Variants in PREX1 observed in about 807,000 individuals in gnomAD.
PREX1 encodes phosphatidylinositol 3,4,5-trisphosphate-dependent Rac exchanger 1 protein.
In PREX1, 41 loss-of-function variants were observed where a neutral mutation model predicts 198.3. The observed-to-expected ratio is 0.21, with a 90% CI of 0.16 to 0.27. The LOEUF (loss-of-function observed/expected upper bound fraction) is 0.27. Ranked by LOEUF, PREX1 falls within the 10% of genes least tolerant of loss-of-function variation. The pLI, the probability that PREX1 is intolerant of heterozygous loss-of-function variation, is 1.00. For missense variants in PREX1, 1,620 were observed against 2,200.7 expected, an observed-to-expected ratio of 0.74 and a Z score of 5.28; for synonymous variants, 843 against 887.2, an observed-to-expected ratio of 0.95 and a Z score of 0.89.
the PREX1 span, among the ~76,000 whole-genome samples, chr20:48,869,899 G>A: frequency 6.6e-6 from 1 of 152,140 alleles, no homozygotes; most frequent in South Asian, 2.1e-4. Flanking sequence ...TGCACGCTGG[G>A]CTTAAAACCT....
Position 48,658,014 on chromosome 20 carries a change from G to C in PREX1, c.1974+122C>G, listed in dbSNP as rs577133639. ...CTCAGTTTCTCCACGTGAGCAATGAGAGAAGAGGAGTCAGCGATCATTCCA... is the reference window on the plus strand; with the variant it reads ...CTCAGTTTCTCCACGTGAGCAATGACAGAAGAGGAGTCAGCGATCATTCCA... On this transcript the variant is annotated intron_variant, in intron 17 of 39. Transcript: ENST00000371941. The C allele has an allele frequency of 3.3e-5, 32 of 966,590 alleles. No individual in the cohort carries two copies. The South Asian group carries it at 3.9e-4, about 12-fold the overall frequency. 59.9% of individuals were successfully genotyped at this position (966,590 alleles called of 1,614,324 possible).
chr20:48,801,029 TTTGGAGAGTTCCTG>T (rs2090384355), intron 1 of PREX1, among the ~76,000 whole-genome samples: 1 of 152,162 alleles, frequency 6.6e-6, no homozygotes, highest in African/African-American at 2.4e-5. Context: ...CTGGGTAACC[TTTGGAGAGTTCCTG>T]CCTATCACCA....
rs150957298 is a variant in PREX1 at position 48,692,533 on chromosome 20, A to C, written c.1036+139T>G. The C allele has an allele frequency of 2.0e-5, 13 of 648,714 alleles. No individual in the cohort carries two copies. In the East Asian group the frequency reaches 3.3e-4, roughly 17 times the overall value. The allele number at this position is 648,714 out of a possible 1,614,324, so 40.2% of individuals were successfully genotyped here. A position where few individuals can be genotyped will look rare whatever the true frequency, so the allele number is the denominator to read the frequency against. On this transcript the variant is annotated intron_variant, in intron 8 of 39. Coordinates refer to ENST00000371941, the MANE Select transcript of PREX1 (RefSeq NM_020820.4). ...AACCACCCAGATGTTCGCTTCATGCATCTATGCTCTGGGCACTTTTCTGTA... is the reference window on the plus strand; with the variant it reads ...AACCACCCAGATGTTCGCTTCATGCCTCTATGCTCTGGGCACTTTTCTGTA...
chr20:48,650,228 G>C, intron 23 of PREX1, 22 bp from the exon 24 acceptor site: 6 of 1,588,380 alleles, frequency 3.8e-6, no homozygotes, highest in Non-Finnish European at 4.3e-6. Context: ...GAGGCCGTAA[G>C]GTCGTGAATC....
At chr20:48,727,354 A>C (rs2090014867) in intron 4 of PREX1, among the ~76,000 whole-genome samples, 1 of 152,092 alleles carries the variant, frequency 6.6e-6, no homozygotes, top group Non-Finnish European at 1.5e-5. Flanking sequence ...TGTCCACATG[A>C]ATCAACCCAG....
intron 5 of PREX1, 45 bp downstream of exon 5, chr20:48,726,245 G>A: frequency 6.6e-7 from 1 of 1,516,538 alleles, no homozygotes; most frequent in Non-Finnish European, 9.1e-7. Context: ...ATGTTATGCT[G>A]AAGCCAAAGA....
chr20:48,765,976 A>G (rs2090206109), intron 1 of PREX1, among the ~76,000 whole-genome samples: 1 of 152,090 alleles, frequency 6.6e-6, no homozygotes, highest in African/African-American at 2.4e-5. Context: ...CACAAACCCT[A>G]CTGCAAACCA....
At chr20:48,637,826 C>T in intron 30 of PREX1, 74 bp from the exon 31 acceptor site, 1 of 1,390,364 alleles carries the variant, frequency 7.2e-7, no homozygotes, top group Non-Finnish European at 1.0e-6. Flanking sequence ...GAACCGGGCC[C>T]CTCCCCATGG....
intron 7 of PREX1, among the ~76,000 whole-genome samples, chr20:48,696,478 C>A (rs1000819121): frequency 1.3e-5 from 2 of 152,176 alleles, no homozygotes; most frequent in Non-Finnish European, 2.9e-5. Context: ...ATTACTACGA[C>A]CTTACAGCAG....
chr20:48,702,254 G>C (rs1568831164), intron 6 of PREX1, among the ~76,000 whole-genome samples: 1 of 151,322 alleles, frequency 6.6e-6, no homozygotes, highest in Non-Finnish European at 1.5e-5. Flanking sequence ...GGGATGGGAA[G>C]GTCCTAGCTG....
rs568989601 is a variant in PREX1, at chr20:48,703,535, G to A, written c.784-2649C>T. ...CATGCGCAGCACACGGCAGACAACC[G>A]GTTCAGCAGTCCCTGGAGCCCACGT... On this transcript the variant is annotated intron_variant, in intron 6 of 39. Transcript: ENST00000371941. Among the ~76,000 whole-genome samples the A allele has an allele frequency of 1.7e-3, 264 of 152,320 alleles. 2 individuals are homozygous for A. The highest frequency in any genetic ancestry group is 5.5e-3 in the African/African-American group (227 of 41,572).
intron 29 of PREX1, among the ~76,000 whole-genome samples, chr20:48,641,102 A>G (rs1443769637): frequency 6.6e-6 from 1 of 151,444 alleles, no homozygotes; most frequent in Non-Finnish European, 1.5e-5. Context: ...GTGGATGAGT[A>G]GGGTGGGTAG....
intron 18 of PREX1, chr20:48,656,526 G>C (rs773780375): frequency 8.8e-6 from 4 of 456,612 alleles, no homozygotes; most frequent in African/African-American, 4.0e-5. Flanking sequence ...CGCCAGACAC[G>C]GTCCCACTTC....
chr20:48,708,883 G>A (rs1472757362), intron 5 of PREX1, among the ~76,000 whole-genome samples: 3 of 152,162 alleles, frequency 2.0e-5, no homozygotes, highest in Non-Finnish European at 2.9e-5. Flanking sequence ...GAGATCCGCG[G>A]TCACAGAGGC....
intron 25 of PREX1, among the ~76,000 whole-genome samples, chr20:48,647,519 C>CAAAA (rs765244255): frequency 4.4e-4 from 22 of 49,568 alleles, no homozygotes; most frequent in Non-Finnish European, 6.3e-4. Context: ...GACAACATCT[C>CAAAA]AAAAAAAAAA....
Position 48,806,297 on chromosome 20 carries a change from A to C in PREX1, c.219+21345T>G, listed in dbSNP as rs567766275. On this transcript the variant is annotated intron_variant, in intron 1 of 39. Coordinates refer to ENST00000371941, the MANE Select transcript of PREX1 (RefSeq NM_020820.4). ...CATCAAATCTAGGGCCTGGATTTGA[A>C]CTTAAGGGACCTGGTTGCACAACTT... Among the ~76,000 whole-genome samples the C allele has an allele frequency of 2.8e-4, 43 of 152,296 alleles. No individual in the cohort carries two copies. In the South Asian group the frequency reaches 6.6e-3, roughly 24 times the overall value.
chr20:48,642,199 G>T lies in PREX1; in HGVS notation c.3744C>A (p.Thr1248=), dbSNP rs1398033736. 2 of 1,614,176 alleles carry T rather than the reference G, an allele frequency of 1.2e-6. No individual in the cohort carries two copies. Among genetic ancestry groups the T allele is most frequent in the Non-Finnish European group, 1.7e-6 (2 of 1,180,004 alleles). ...AGCTGTGGTTCATAGGGAAATGCTT[G>T]GTCTCTTCGAAAGCCCGGCTCATGA... ...GPVMSRAFEE[T]KHFPMNHSLQ... is the part of the protein sequence containing the mutation. Residue 1248 remains threonine, a synonymous_variant, in exon 29 of 40, where the codon ACC becomes ACA. Coordinates refer to ENST00000371941, the MANE Select transcript of PREX1 (RefSeq NM_020820.4).
At position 48,824,165 on chromosome 20, in the gene PREX1, G is replaced by A. The variant is rs151284984; in HGVS notation, c.219+3477C>T. ...CCCAGGCACTGTTTCCCCCAAGACC[G>A]ATCCAGCATCTCTGTGAAAGGGCTG... is the stretch of plus-strand genomic sequence containing the variant. On this transcript the variant is annotated intron_variant, in intron 1 of 39. Coordinates refer to ENST00000371941, the MANE Select transcript of PREX1 (RefSeq NM_020820.4). Among the ~76,000 whole-genome samples the A allele has an allele frequency of 6.5e-3, 983 of 152,218 alleles. 12 individuals carry two copies. The highest frequency in any genetic ancestry group is 0.022 in the African/African-American group (916 of 41,516).
At chr20:48,701,662 C>A (rs1455876737) in intron 6 of PREX1, among the ~76,000 whole-genome samples, 1 of 152,180 alleles carries the variant, frequency 6.6e-6, no homozygotes, top group Non-Finnish European at 1.5e-5. Flanking sequence ...GTATGCCCAG[C>A]ACCCACAACA....
Sources: allele counts gnomAD v4.1 joint callset (sites outside exome capture counted in the v4.1 genomes callset), GRCh38; gene constraint gnomAD v4.1.1; transcripts MANE v1.5; gene names NCBI Gene and HGNC (gene_info 2026-07-23, HGNC 2026-07-21).